DYM: variants seen among roughly 807,000 people sequenced by gnomAD.
DYM encodes dymeclin.
Under a neutral mutation model 93.1 loss-of-function variants are expected in DYM, and 78 were observed. The ratio of observed to expected loss-of-function variants is 0.84; its 90% confidence interval spans 0.70 to 1.01. DYM has a LOEUF of 1.01. Among genes scored for constraint, DYM ranks in the 50% least tolerant of loss-of-function variants. The pLI is 0.00. For synonymous variants in DYM, 321 were observed against 319.7 expected (o/e 1.00, Z -0.04); for missense variants, 789 against 845.0 (o/e 0.93, Z 0.82).
chr18:49,193,622 C>T (rs571291754), intron 14 of DYM, among the ~76,000 whole-genome samples: 16 of 152,166 alleles, frequency 1.1e-4, no homozygotes, highest in Non-Finnish European at 2.1e-4. Flanking sequence ...ATAGAAGAAG[C>T]TATCTACTGA....
intron 14 of DYM, 81 bp downstream of exon 14, chr18:49,209,470 A>G (rs1281071478): frequency 2.1e-5 from 19 of 905,566 alleles, no homozygotes; most frequent in Non-Finnish European, 2.7e-5. Context: ...AATTTAATTG[A>G]CACATGTCTT....
intron 16 of DYM, among the ~76,000 whole-genome samples, chr18:49,107,414 T>C (rs898696330): frequency 8.5e-5 from 13 of 152,244 alleles, no homozygotes; most frequent in Admixed American, 8.5e-4. Context: ...CTCTTCAAAG[T>C]CATTCTCCGT....
intron 15 of DYM, among the ~76,000 whole-genome samples, chr18:49,159,796 G>C (rs746642119): frequency 3.3e-5 from 5 of 152,250 alleles, no homozygotes; most frequent in Non-Finnish European, 5.9e-5. Flanking sequence ...ATATAATTTG[G>C]TTCCTTATGG....
In DYM at chr18:49,235,757, C is replaced by G. The variant is rs151163082; in HGVS notation, c.1460+21253G>C. Among the ~76,000 whole-genome samples, 11 of 125,608 alleles carry G rather than the reference C, an allele frequency of 8.8e-5. No individual in the cohort carries two copies. In the East Asian group the frequency reaches 2.4e-3, roughly 27 times the overall value. 82.4% of individuals were successfully genotyped at this position (125,608 alleles called of 152,430 possible). ...ATAAAAGTAAAATTTCCAGTAAGTA[C>G]CATATATCACTGTGAAAGAAAAAAA... On this transcript the variant is annotated intron_variant, in intron 13 of 17. Coordinates refer to ENST00000675505, the MANE Select transcript of DYM (RefSeq NM_001353214.3).
chr18:49,219,143 C>G (rs1264337877), intron 13 of DYM, among the ~76,000 whole-genome samples: 1 of 152,152 alleles, frequency 6.6e-6, no homozygotes, highest in African/African-American at 2.4e-5. Context: ...CGCAAATAAA[C>G]TAGAAAATCT....
chr18:49,294,241 A>C (rs1277430854), intron 8 of DYM, among the ~76,000 whole-genome samples: 4 of 152,184 alleles, frequency 2.6e-5, no homozygotes, highest in Admixed American at 2.6e-4. Context: ...GTTTGAAGTC[A>C]GGTAGCATGA....
rs954377177 is a variant in DYM, at chr18:49,286,284, T to C, written c.946+150A>G. The C allele has an allele frequency of 1.0e-5, 9 of 862,300 alleles. No individual in the cohort carries two copies. In the Admixed American group the frequency reaches 1.4e-4, roughly 13 times the overall value. 53.4% of individuals were successfully genotyped at this position (862,300 alleles called of 1,614,324 possible). A position where few individuals can be genotyped will look rare whatever the true frequency, so the allele number is the denominator to read the frequency against. ...AGGATGCTTGACCTTCCTGATAATA[T>C]TGACAGGAAAAGCTAAAGTTTTTCT... On this transcript the variant is annotated intron_variant, in intron 9 of 17. Coordinates refer to ENST00000675505, the MANE Select transcript of DYM (RefSeq NM_001353214.3).
At chr18:49,251,499 G>A (rs963957214) in intron 13 of DYM, among the ~76,000 whole-genome samples, 1 of 152,144 alleles carries the variant, frequency 6.6e-6, no homozygotes, top group African/African-American at 2.4e-5. Context: ...AGGAAGAGTA[G>A]GTTTGAAAAC....
At chr18:49,378,464 A>T in intron 5 of DYM, 103 bp downstream of exon 5, 4 of 1,129,324 alleles carry the variant, frequency 3.5e-6, no homozygotes, top group Non-Finnish European at 5.2e-6. Flanking sequence ...AATGAAAATT[A>T]TAAGGATAAC....
At chr18:49,072,528 G>C (rs972285655) in intron 17 of DYM, among the ~76,000 whole-genome samples, 6 of 152,252 alleles carry the variant, frequency 3.9e-5, no homozygotes, top group Non-Finnish European at 8.8e-5. Flanking sequence ...ACAAAGACAA[G>C]AAGTAGTGAA....
At chr18:49,301,053 A>C (rs1215221918) in intron 8 of DYM, among the ~76,000 whole-genome samples, 4 of 152,196 alleles carry the variant, frequency 2.6e-5, no homozygotes, top group Non-Finnish European at 5.9e-5. Flanking sequence ...GAGTTCTGGA[A>C]GCACTGGAAA....
intron 13 of DYM, among the ~76,000 whole-genome samples, chr18:49,225,745 A>G (rs772654336): frequency 5.3e-5 from 8 of 152,094 alleles, no homozygotes; most frequent in Non-Finnish European, 1.0e-4. Flanking sequence ...AAACCTTCCA[A>G]TAAGTGCTTT....
At chr18:49,047,757 TTTGTCATGG>T (rs2071806184) in intron 17 of DYM, among the ~76,000 whole-genome samples, 2 of 152,114 alleles carry the variant, frequency 1.3e-5, no homozygotes, top group Non-Finnish European at 2.9e-5. Flanking sequence ...GAGGGAAGTC[TTTGTCATGG>T]AATCAGGTGT....
At chr18:49,089,711 A>G (rs548209494) in intron 17 of DYM, among the ~76,000 whole-genome samples, 5 of 152,156 alleles carry the variant, frequency 3.3e-5, no homozygotes, top group Non-Finnish European at 7.4e-5. Flanking sequence ...GAACCTGCAT[A>G]TGAAAAGAGT....
At chr18:49,123,640 A>T (rs946509897) in intron 15 of DYM, among the ~76,000 whole-genome samples, 1 of 152,226 alleles carries the variant, frequency 6.6e-6, no homozygotes, top group Non-Finnish European at 1.5e-5. Context: ...TGTTCCATCA[A>T]GAAATAGCTG....
chr18:49,111,506 G>T lies in DYM; in HGVS notation c.1911+7238C>A, dbSNP rs190096917. On this transcript the variant is annotated intron_variant, in intron 16 of 17. Transcript: ENST00000675505. The stretch of plus-strand genomic sequence containing the variant: ...GAAATACTATTTATGATAAATTAGG[G>T]CACATCTCTTCTTAGGTCAGGCTTG... 6.6e-5 allele frequency among the ~76,000 whole-genome samples: 10 copies of T among 152,220 alleles called. No individual in the cohort carries two copies. The East Asian group carries it at 1.7e-3, about 26-fold the overall frequency.
At chr18:49,259,999 T>A (rs536996105) in intron 11 of DYM, among the ~76,000 whole-genome samples, 20 of 152,300 alleles carry the variant, frequency 1.3e-4, no homozygotes, top group African/African-American at 4.3e-4. Flanking sequence ...TTTAAAAAAA[T>A]TCTGATTAGT....
chr18:49,439,617 T>A (rs1160309714), intron 1 of DYM, among the ~76,000 whole-genome samples: 1 of 152,166 alleles, frequency 6.6e-6, no homozygotes, highest in African/African-American at 2.4e-5. Flanking sequence ...AATAAATATA[T>A]GAAAAGATCT....
chr18:49,320,056 G>A (rs772181169), intron 8 of DYM, among the ~76,000 whole-genome samples: 1 of 152,118 alleles, frequency 6.6e-6, no homozygotes, highest in Non-Finnish European at 1.5e-5. Context: ...TTAAAGATAG[G>A]GAAAAGCTTG....
Sources: gnomAD v4.1 joint callset for allele counts (sites outside exome capture counted in the v4.1 genomes callset) on GRCh38, gnomAD v4.1.1 for gene constraint, MANE v1.5 for transcripts, NCBI Gene and HGNC (gene_info 2026-07-23, HGNC 2026-07-21) for gene names.